The following ACTR3C variants were observed in gnomAD, a reference collection of about 807,000 sequenced individuals.
ACTR3C encodes the protein actin-related protein 3C.
Under a neutral mutation model 26.3 loss-of-function variants are expected in ACTR3C, and 18 were observed. The observed-to-expected ratio is 0.68, with a 90% CI of 0.47 to 1.01. The LOEUF (loss-of-function observed/expected upper bound fraction) is 1.01. ACTR3C is among the 50% of genes least tolerant of loss of function. The pLI is 0.00. For missense variants in ACTR3C, 184 were observed against 250.7 expected (o/e 0.73, Z 1.80); for synonymous variants, 55 against 94.5 (o/e 0.58, Z 2.42).
the ACTR3C span, among the ~76,000 whole-genome samples, chr7:150,006,530 A>G: frequency 6.7e-6 from 1 of 149,988 alleles, no homozygotes; most frequent in Admixed American, 6.7e-5. Context: ...CACACAAACT[A>G]TTTATGGCTC....
the ACTR3C span, among the ~76,000 whole-genome samples, chr7:150,165,510 T>C: frequency 6.6e-6 from 1 of 151,296 alleles, no homozygotes; most frequent in African/African-American, 2.5e-5. Context: ...TTCCACGTCC[T>C]CCAAAAAAGT....
At chr7:150,029,397 C>CAAAAAAAA in the ACTR3C span, among the ~76,000 whole-genome samples, 1 of 35,404 alleles carries the variant, frequency 2.8e-5, no homozygotes. Context: ...CAATCTTTAT[C>CAAAAAAAA]AAAAACAAAA....
At chr7:150,182,266 T>C in the ACTR3C span, among the ~76,000 whole-genome samples, 3 of 150,824 alleles carry the variant, frequency 2.0e-5, no homozygotes, top group Non-Finnish European at 4.4e-5. Flanking sequence ...ATGGATTACC[T>C]GTAAACTGAA....
the ACTR3C span, among the ~76,000 whole-genome samples, chr7:150,209,220 G>C: frequency 6.7e-6 from 1 of 148,508 alleles, no homozygotes; most frequent in Non-Finnish European, 1.5e-5. Context: ...GAGAGAGAGA[G>C]AGAGAGAGAT....
chr7:149,936,046 C>G, the ACTR3C span, among the ~76,000 whole-genome samples: 1 of 152,244 alleles, frequency 6.6e-6, no homozygotes, highest in South Asian at 2.1e-4. Context: ...CTCCCCGCAC[C>G]TGCCTGGCTG....
chr7:150,083,830 G>A, the ACTR3C span, among the ~76,000 whole-genome samples: 7,363 of 152,186 alleles, frequency 0.048, 593 homozygotes, highest in African/African-American at 0.17. Context: ...GGCTCAAAAT[G>A]AAGTGGCCTT....
At chr7:150,106,923 A>T in the ACTR3C span, among the ~76,000 whole-genome samples, 2 of 146,038 alleles carry the variant, frequency 1.4e-5, no homozygotes, top group Admixed American at 1.3e-4. Context: ...AGATCTGGGG[A>T]AGATGAGAAA....
At chr7:150,081,344 A>G in the ACTR3C span, among the ~76,000 whole-genome samples, 1 of 151,668 alleles carries the variant, frequency 6.6e-6, no homozygotes, top group Non-Finnish European at 1.5e-5. Context: ...GGAAGAAGGT[A>G]GAGGCAGATA....
At chr7:150,246,386 T>C (rs1832464811), downstream of ACTR3C, 1 of 152,164 alleles carries the variant, frequency 6.6e-6, no homozygotes, top group Non-Finnish European at 1.5e-5. Context: ...CTGCAGACCC[T>C]GATGGGGTGC....
chr7:150,182,737 T>C, the ACTR3C span, among the ~76,000 whole-genome samples: 10 of 151,144 alleles, frequency 6.6e-5, 1 homozygote, highest in South Asian at 2.1e-3. Context: ...CAATATGTCA[T>C]CCAAAACTGA....
At chr7:149,883,473 G>A in the ACTR3C span, among the ~76,000 whole-genome samples, 1 of 152,206 alleles carries the variant, frequency 6.6e-6, no homozygotes, top group Admixed American at 6.5e-5. Flanking sequence ...ACCATACCAA[G>A]TGGCAGAGCA....
chr7:150,160,399 C>G, the ACTR3C span, among the ~76,000 whole-genome samples: 1 of 152,070 alleles, frequency 6.6e-6, no homozygotes, highest in South Asian at 2.1e-4. Context: ...TTCCTCACCC[C>G]TTCTCTGAAA....
the ACTR3C span, among the ~76,000 whole-genome samples, chr7:149,893,921 T>C: frequency 2.6e-5 from 4 of 152,012 alleles, no homozygotes; most frequent in African/African-American, 9.7e-5. Flanking sequence ...TTCACAGAAA[T>C]AGAAAAAATA....
chr7:149,997,993 G>A, the ACTR3C span, among the ~76,000 whole-genome samples: 12 of 150,984 alleles, frequency 7.9e-5, 1 homozygote, highest in East Asian at 2.3e-3. Flanking sequence ...GAAAGGTTAA[G>A]GGAGTATATA....
chr7:150,177,887 TAGAC>T, the ACTR3C span, among the ~76,000 whole-genome samples: 1 of 150,854 alleles, frequency 6.6e-6, no homozygotes, highest in Non-Finnish European at 1.5e-5. Context: ...ATATTGTAGA[TAGAC>T]AATTACATTG....
At chr7:150,119,869 A>G in the ACTR3C span, among the ~76,000 whole-genome samples, 1 of 152,238 alleles carries the variant, frequency 6.6e-6, no homozygotes, top group Non-Finnish European at 1.5e-5. Flanking sequence ...AAGAACGGAA[A>G]TTAAAGCGAA....
At chr7:149,918,800 G>A in the ACTR3C span, among the ~76,000 whole-genome samples, 9 of 152,208 alleles carry the variant, frequency 5.9e-5, 1 homozygote, top group Non-Finnish European at 1.2e-4. Context: ...AGGACCCATC[G>A]TGCCTGACTT....
At chr7:149,907,362 G>A in the ACTR3C span, among the ~76,000 whole-genome samples, 7,391 of 143,440 alleles carry the variant, frequency 0.052, 232 homozygotes, top group Middle Eastern at 0.087. Context: ...CCCAAGACAC[G>A]CAGCAGGCCA....
chr7:150,170,326 C>A, the ACTR3C span, among the ~76,000 whole-genome samples: 1 of 150,862 alleles, frequency 6.6e-6, no homozygotes, highest in Non-Finnish European at 1.5e-5. Context: ...TTGAAGGTGG[C>A]ATCTCTTCAA....
Sources: gnomAD v4.1 joint callset for allele counts (sites outside exome capture counted in the v4.1 genomes callset) on GRCh38, gnomAD v4.1.1 for gene constraint, MANE v1.5 for transcripts, NCBI Gene and HGNC (gene_info 2026-07-23, HGNC 2026-07-21) for gene names.